The following CCDC18 variants were observed in gnomAD, a reference collection of about 807,000 sequenced individuals.
CCDC18 encodes coiled-coil domain containing 18.
A neutral mutation model predicts 196.0 loss-of-function variants in CCDC18; 157 were observed. That is an observed-to-expected ratio of 0.80 (90% CI 0.70 to 0.91). The LOEUF (loss-of-function observed/expected upper bound fraction) is 0.91. Ranked by LOEUF, CCDC18 falls within the 40% of genes least tolerant of loss-of-function variation. The pLI is 0.00. For missense variants in CCDC18, 1,465 were observed against 1,611.6 expected (o/e 0.91, Z 1.56); for synonymous variants, 482 against 529.2 (o/e 0.91, Z 1.22).
In CCDC18 at chr1:93,212,976, T is replaced by A. The variant is rs568024373; in HGVS notation, c.1495+715T>A. 7.2e-5 allele frequency among the ~76,000 whole-genome samples: 11 copies of A among 152,268 alleles called. 1 individual carries two copies. The South Asian group carries it at 2.3e-3, about 32-fold the overall frequency. On this transcript the variant is annotated intron_variant, in intron 11 of 28. Transcript: ENST00000690025. ...GGGGGTCATGGCAGACAGTGACAGA[T>A]CATCAGGCATTAGATTCTCATAAGG...
chr1:93,273,563 T>C (rs1665473344), intron 28 of CCDC18: 2 of 152,228 alleles, frequency 1.3e-5, no homozygotes, highest in African/African-American at 4.8e-5. Context: ...CCGTGCAAGA[T>C]ACAGGACATC....
chr1:93,226,794 A>G (rs1318601317), intron 17 of CCDC18, among the ~76,000 whole-genome samples: 1 of 152,278 alleles, frequency 6.6e-6, no homozygotes, highest in African/African-American at 2.4e-5. Context: ...TCGGCCTCCC[A>G]AAGTGCTGGG....
chr1:93,220,938 T>A (rs1657340019), intron 14 of CCDC18, among the ~76,000 whole-genome samples: 1 of 152,222 alleles, frequency 6.6e-6, no homozygotes, highest in South Asian at 2.1e-4. Flanking sequence ...ACTCCATCCG[T>A]GTCCCTGTAA....
upstream of CCDC18, chr1:93,179,963 G>A (rs1451233128): frequency 8.7e-6 from 12 of 1,372,868 alleles, no homozygotes; most frequent in African/African-American, 1.5e-5. Flanking sequence ...CACCACCAGG[G>A]CCGTCCACCA....
chr1:93,203,565 A>T (rs554397077), intron 7 of CCDC18, among the ~76,000 whole-genome samples: 48 of 152,322 alleles, frequency 3.2e-4, no homozygotes, highest in African/African-American at 1.1e-3. Context: ...AAGTGATTTA[A>T]AAAAATTAGA....
At chr1:93,259,162 T>C (rs907442682) in intron 26 of CCDC18, among the ~76,000 whole-genome samples, 1 of 152,194 alleles carries the variant, frequency 6.6e-6, no homozygotes, top group East Asian at 1.9e-4. Flanking sequence ...ATGGATATAA[T>C]AATAGTATCT....
chr1:93,248,009 C>CTTTTTTTT (rs71586785), intron 23 of CCDC18, among the ~76,000 whole-genome samples: 28 of 69,788 alleles, frequency 4.0e-4, no homozygotes, highest in Middle Eastern at 0.021. Context: ...TATTTTCCTT[C>CTTTTTTTT]TTTTTTTTTT....
intron 1 of CCDC18, among the ~76,000 whole-genome samples, chr1:93,182,908 T>C (rs1395454851): frequency 1.3e-5 from 2 of 152,192 alleles, no homozygotes; most frequent in Admixed American, 6.5e-5. Flanking sequence ...CATATTGAAA[T>C]TGATATGTAA....
At position 93,207,293 on chromosome 1, in the gene CCDC18, G is replaced by C. The variant is rs771619326; in HGVS notation, c.1104G>C (p.Lys368Asn). Residue 368 changes from lysine (K) to asparagine (N), a missense_variant, in exon 9 of 29, where the codon AAG (lysine) becomes AAC (asparagine). Lys to Asn is a moderately conservative substitution (Grantham distance 94). Transcript: ENST00000690025. ...TAATGAATGAAAACCGAGAATTAAAGGTCCGTGTTGCAGCACAGAATGAGC... is the reference window on the plus strand; with the variant it reads ...TAATGAATGAAAACCGAGAATTAAACGTCCGTGTTGCAGCACAGAATGAGC... ...FSLMNENREL[K>N]VRVAAQNERL... 4.3e-6 allele frequency: 7 copies of C among 1,613,546 alleles called. No individual in the cohort carries two copies. In the Admixed American group the frequency reaches 1.0e-4, roughly 23 times the overall value.
intron 25 of CCDC18, among the ~76,000 whole-genome samples, chr1:93,257,362 T>C (rs1557700359): frequency 6.6e-6 from 1 of 151,936 alleles, no homozygotes; most frequent in African/African-American, 2.4e-5. Context: ...AAAGTGCTTT[T>C]AAAAAGCAAA....
At chr1:93,241,170 G>T (rs1431966777) in intron 21 of CCDC18, among the ~76,000 whole-genome samples, 3 of 151,960 alleles carry the variant, frequency 2.0e-5, no homozygotes, top group East Asian at 3.9e-4. Context: ...GGCCAGACTG[G>T]TCTTGAACTC....
chr1:93,255,913 G>T (rs553492523), intron 24 of CCDC18, among the ~76,000 whole-genome samples: 76 of 152,300 alleles, frequency 5.0e-4, no homozygotes, highest in African/African-American at 1.8e-3. Context: ...CTTTCACAGA[G>T]AGTAAGACCT....
intron 21 of CCDC18, among the ~76,000 whole-genome samples, chr1:93,245,068 C>T (rs922011938): frequency 3.3e-5 from 5 of 152,280 alleles, no homozygotes; most frequent in South Asian, 4.1e-4. Context: ...GGACCTATTA[C>T]AATGTAAACT....
chr1:93,206,520 T>A lies in CCDC18; in HGVS notation c.918-587T>A, dbSNP rs528980860. ...TCAAATATAAGTGAAATAAATTGGT[T>A]AAGATATTTTTAAAACTTCACATTT... On this transcript the variant is annotated intron_variant, in intron 8 of 28. Transcript: ENST00000690025. Among the ~76,000 whole-genome samples the A allele has an allele frequency of 1.1e-4, 17 of 152,256 alleles. 2 individuals carry two copies. The East Asian group carries it at 2.7e-3, about 24-fold the overall frequency.
At chr1:93,217,928 C>A in intron 14 of CCDC18, 59 bp downstream of exon 14, 1 of 1,378,518 alleles carries the variant, frequency 7.3e-7, no homozygotes, top group Non-Finnish European at 1.0e-6. Context: ...TTACTAGCCC[C>A]AGCATTTTTT....
chr1:93,277,809 A>AT (rs968422332), intron 28 of CCDC18, among the ~76,000 whole-genome samples: 22 of 150,484 alleles, frequency 1.5e-4, no homozygotes, highest in South Asian at 2.1e-4. Flanking sequence ...TTTTTCATTG[A>AT]TTTTTTCATG....
chr1:93,213,220 C>T (rs1006287893), intron 11 of CCDC18, among the ~76,000 whole-genome samples: 132 of 151,630 alleles, frequency 8.7e-4, no homozygotes, highest in Non-Finnish European at 1.4e-3. Context: ...GGTACCAGTC[C>T]GTGGCCCAGG....
chr1:93,278,032 G>C (rs367691091), intron 28 of CCDC18, among the ~76,000 whole-genome samples: 1 of 151,660 alleles, frequency 6.6e-6, no homozygotes, highest in South Asian at 2.1e-4. Flanking sequence ...TGTCTCCCAG[G>C]CTGGAGTGCA....
At chr1:93,221,971 CTTT>C (rs113139948) in intron 16 of CCDC18, 35 bp downstream of exon 16, 751 of 1,140,668 alleles carry the variant, frequency 6.6e-4, no homozygotes, top group South Asian at 9.0e-4. Flanking sequence ...TCTTTCTTTC[CTTT>C]TTTTTTTTTT....
Sources: gnomAD v4.1 joint callset for allele counts (sites outside exome capture counted in the v4.1 genomes callset) on GRCh38, gnomAD v4.1.1 for gene constraint, MANE v1.5 for transcripts, NCBI Gene and HGNC (gene_info 2026-07-23, HGNC 2026-07-21) for gene names.